The following HMGN5 variants were observed in gnomAD, a reference collection of about 807,000 sequenced individuals.
The protein encoded by HMGN5 is high mobility group nucleosome binding domain 5, also known as high mobility group nucleosome-binding domain-containing protein 5.
Under a neutral mutation model 9.5 loss-of-function variants are expected in HMGN5, and 4 were observed. That is an observed-to-expected ratio of 0.42 (90% CI 0.21 to 0.96). The LOEUF (loss-of-function observed/expected upper bound fraction) is 0.96, where lower values mean the gene tolerates loss of function less well. Ranked by LOEUF, HMGN5 falls within the 40% of genes least tolerant of loss-of-function variation. The pLI is 0.30. For missense variants in HMGN5, 192 were observed against 187.5 expected (o/e 1.02, Z -0.14); for synonymous variants, 55 against 57.1 (o/e 0.96, Z 0.16).
At position 81,135,727 on chromosome X, in the gene HMGN5, T is replaced by C. The variant is rs141436469; in HGVS notation, c.-123-14055A>G. On this transcript the variant is annotated intron_variant, in intron 1 of 6. Transcript: ENST00000358130. ...AGAGTAACTGCTAATGGATATGGGA[T>C]TTATTTCTAGAGGGAACAATATTCT... 2.0e-3 allele frequency among the ~76,000 whole-genome samples: 221 copies of C among 110,857 alleles called. 2 individuals carry two copies. Among genetic ancestry groups the C allele is most frequent in the African/African-American group, 7.0e-3 (213 of 30,576 alleles).
intron 1 of HMGN5, among the ~76,000 whole-genome samples, chrX:81,158,013 C>T (rs1403981887): frequency 9.0e-6 from 1 of 110,964 alleles, no homozygotes. Context: ...ATCTCCTGAC[C>T]TTGTGATCTG....
At chrX:81,178,472 A>G in intron 1 of HMGN5, among the ~76,000 whole-genome samples, 1 of 112,085 alleles carries the variant, frequency 8.9e-6, no homozygotes. Context: ...CAAATGGATA[A>G]GTTCCTGGAC....
At chrX:81,166,865 GAAC>G (rs777419623) in intron 1 of HMGN5, among the ~76,000 whole-genome samples, 1 of 111,528 alleles carries the variant, frequency 9.0e-6, no homozygotes, top group South Asian at 3.8e-4. Context: ...CCAGCTACAT[GAAC>G]AACAAGGTCC....
intron 1 of HMGN5, among the ~76,000 whole-genome samples, chrX:81,167,657 A>C (rs1032632999): frequency 8.9e-5 from 10 of 112,394 alleles, no homozygotes; most frequent in Non-Finnish European, 1.7e-4. Flanking sequence ...ATATTCTTCT[A>C]GTGTGACTAA....
At chrX:81,151,595 C>G (rs1437452166) in intron 1 of HMGN5, among the ~76,000 whole-genome samples, 1 of 111,294 alleles carries the variant, frequency 9.0e-6, no homozygotes, top group East Asian at 2.8e-4. Flanking sequence ...GAATGTTCTT[C>G]CATTTGTTTG....
chrX:81,150,303 C>A (rs1193974661), intron 1 of HMGN5, among the ~76,000 whole-genome samples: 1 of 111,915 alleles, frequency 8.9e-6, no homozygotes, highest in Non-Finnish European at 1.9e-5. Flanking sequence ...GTGGCTCACA[C>A]CTGTAACCCC....
At chrX:81,155,585 T>A (rs759867504) in intron 1 of HMGN5, among the ~76,000 whole-genome samples, 1 of 111,682 alleles carries the variant, frequency 9.0e-6, no homozygotes, top group East Asian at 2.8e-4. Context: ...TGTAAAGGAA[T>A]GAACAATTGC....
chrX:81,126,889 C>A (rs747221529), intron 1 of HMGN5, among the ~76,000 whole-genome samples: 5 of 111,547 alleles, frequency 4.5e-5, no homozygotes, highest in Non-Finnish European at 9.4e-5. Flanking sequence ...CACCTAATAT[C>A]TACTCTCTTA....
At chrX:81,194,916 G>T (rs886919672) in intron 1 of HMGN5, among the ~76,000 whole-genome samples, 5 of 112,101 alleles carry the variant, frequency 4.5e-5, no homozygotes, top group Non-Finnish European at 9.4e-5. Flanking sequence ...ACTAAAAGCA[G>T]AATGGAAATG....
rs748857559 is a variant in HMGN5 at position 81,118,734 on chromosome X, G to C, written c.71C>G (p.Ser24Cys). The change falls in exon 4 of 7, where the codon TCT becomes TGT. Residue 24 changes from serine (S) to cysteine (C), a missense_variant. Ser to Cys is a moderately radical substitution (Grantham distance 112). Coordinates refer to ENST00000358130, the MANE Select transcript of HMGN5 (RefSeq NM_030763.3). ...CTTTTTGAAAAGATTACTTACAGCA[G>C]ACAACCTGGCAGATCTTCTCTTTGG... ...QEPKRRSARL[S>C]AMLVPVTPEV... The C allele has an allele frequency of 1.7e-6, 2 of 1,196,724 alleles. No homozygotes were observed. Among genetic ancestry groups the C allele is most frequent in the Admixed American group, 4.4e-5 (2 of 45,147 alleles).
At chrX:81,126,640 T>A (rs749169522) in intron 1 of HMGN5, among the ~76,000 whole-genome samples, 160 of 111,759 alleles carry the variant, frequency 1.4e-3, no homozygotes, top group African/African-American at 5.2e-3. Flanking sequence ...TTTGAAGATT[T>A]CTAACATCCA....
chrX:81,123,205 T>C (rs1055685637), intron 1 of HMGN5, among the ~76,000 whole-genome samples: 1 of 110,513 alleles, frequency 9.0e-6, no homozygotes, highest in African/African-American at 3.3e-5. Flanking sequence ...TTATTTTTAT[T>C]TTGTTATATA....
At chrX:81,189,236 A>G (rs2075487113) in intron 1 of HMGN5, among the ~76,000 whole-genome samples, 1 of 111,855 alleles carries the variant, frequency 8.9e-6, no homozygotes, top group Non-Finnish European at 1.9e-5. Context: ...TTCTCTACCT[A>G]TTCTTGAAAG....
chrX:81,164,885 A>T (rs930911251), intron 1 of HMGN5, among the ~76,000 whole-genome samples: 29 of 111,490 alleles, frequency 2.6e-4, no homozygotes, highest in Admixed American at 1.2e-3. Context: ...TTCATTATAA[A>T]GAAACTCACT....
chrX:81,162,700 TTATGGAAC>T (rs2075400777), intron 1 of HMGN5, among the ~76,000 whole-genome samples: 1 of 111,294 alleles, frequency 9.0e-6, no homozygotes, highest in African/African-American at 3.3e-5. Context: ...CAAGAGGTGC[TTATGGAAC>T]TGTACTCAAA....
chrX:81,163,680 G>A (rs1569348084), intron 1 of HMGN5, among the ~76,000 whole-genome samples: 2 of 111,680 alleles, frequency 1.8e-5, no homozygotes, highest in Non-Finnish European at 3.8e-5. Flanking sequence ...CCTAACCTAA[G>A]GAATGAAACC....
intron 1 of HMGN5, among the ~76,000 whole-genome samples, chrX:81,176,181 G>T (rs762928649): frequency 1.8e-5 from 2 of 111,804 alleles, no homozygotes; most frequent in Non-Finnish European, 3.8e-5. Context: ...CAGACCTGCA[G>T]CAGAGGGGCC....
chrX:81,125,383 C>A (rs2075280239), intron 1 of HMGN5, among the ~76,000 whole-genome samples: 1 of 111,296 alleles, frequency 9.0e-6, no homozygotes, highest in Non-Finnish European at 1.9e-5. Flanking sequence ...TCCAAGTCTA[C>A]AGTGAGCCAA....
chrX:81,196,248 G>A (rs747842374), intron 1 of HMGN5, among the ~76,000 whole-genome samples: 2 of 110,948 alleles, frequency 1.8e-5, no homozygotes, highest in South Asian at 8.0e-4. Flanking sequence ...ATCTGCCAGA[G>A]GAGGCAGGAA....
Sources: gnomAD v4.1 joint callset for allele counts (sites outside exome capture counted in the v4.1 genomes callset) on GRCh38, gnomAD v4.1.1 for gene constraint, MANE v1.5 for transcripts, NCBI Gene and HGNC (gene_info 2026-07-23, HGNC 2026-07-21) for gene names.